The following MAX variants were observed in gnomAD, a reference collection of about 807,000 sequenced individuals.
MAX encodes protein max.
Under a neutral mutation model 22.3 loss-of-function variants are expected in MAX, and 3 were observed. The observed-to-expected ratio is 0.13, with a 90% CI of 0.06 to 0.35. The LOEUF (loss-of-function observed/expected upper bound fraction) is 0.35, where lower values mean the gene tolerates loss of function less well. Ranked by LOEUF, MAX falls within the 10% of genes least tolerant of loss-of-function variation. MAX has a pLI of 1.00. For synonymous variants in MAX, 72 were observed against 77.7 expected (o/e 0.93, Z 0.39); for missense variants, 119 against 209.4 (o/e 0.57, Z 2.66).
In MAX at chr14:65,011,663, C is replaced by T. The variant is rs2061685414; in HGVS notation, c.172-5379G>A. Among the ~76,000 whole-genome samples, 1 of 152,226 alleles carries T rather than the reference C, an allele frequency of 6.6e-6. No homozygotes were observed. The highest frequency in any genetic ancestry group is 2.4e-5 in the African/African-American group (1 of 41,466). On this transcript the variant is annotated intron_variant, in intron 3 of 3. Transcript: ENST00000341653. This position sits in a 1 kb window ranked among gnomAD's most constrained non-coding sequence, Gnocchi z 4.0. Reference sequence around the variant, plus strand: ...CCAAGAAAGAAGTGCAGCCTCTGTGCTTTGCCCGGCCTGTGCAGGTGGCCA... The same window carrying T: ...CCAAGAAAGAAGTGCAGCCTCTGTGTTTTGCCCGGCCTGTGCAGGTGGCCA...
In MAX at chr14:65,088,892, A is replaced by G. The variant is rs2063417847; in HGVS notation, c.171+4816T>C. On this transcript the variant is annotated intron_variant, in intron 3 of 4. Coordinates refer to ENST00000358664, the MANE Select transcript of MAX (RefSeq NM_002382.5). This position sits in a 1 kb window ranked among gnomAD's most constrained non-coding sequence, Gnocchi z 5.2. ...GCTATGAGAGCCTTTATCCTTAAGA[A>G]TCATGTTCCCTGCCATAAGGGAACT... 1.3e-5 allele frequency among the ~76,000 whole-genome samples: 2 copies of G among 151,574 alleles called. No individual in the cohort carries two copies. The highest frequency in any genetic ancestry group is 1.5e-5 in the Non-Finnish European group (1 of 67,544).
intron 3 of MAX, among the ~76,000 whole-genome samples, chr14:65,085,643 C>T (rs2063310910): frequency 6.6e-6 from 1 of 152,010 alleles, no homozygotes; most frequent in South Asian, 2.1e-4. Flanking sequence ...CACAAAAGGC[C>T]ACAGAGGTTC....
rs1390045484 is a variant in MAX at position 65,077,277 on chromosome 14, A to G, written c.296-614T>C. On this transcript the variant is annotated intron_variant, in intron 4 of 4. Coordinates refer to ENST00000358664, the MANE Select transcript of MAX (RefSeq NM_002382.5). The surrounding 1 kb of genome is among the most constrained non-coding windows in gnomAD (Gnocchi z 6.3). ...TGGTTCAGCTCAGCTTGAGCCTGGA[A>G]GGTCAACCCATTTAATTTATTTTAT... 1 of 1,208,938 alleles carries G rather than the reference A, an allele frequency of 8.3e-7. No individual in the cohort carries two copies. The highest frequency in any genetic ancestry group is 1.3e-5 in the South Asian group (1 of 76,788). The allele number at this position is 1,208,938 out of a possible 1,614,324, so 74.9% of individuals were successfully genotyped here.
chr14:65,050,568 G>A (rs2062584446), intron 3 of MAX, among the ~76,000 whole-genome samples: 1 of 152,184 alleles, frequency 6.6e-6, no homozygotes, highest in African/African-American at 2.4e-5. Context: ...TCCAGCCTGG[G>A]CGACAGAGCA....
intron 3 of MAX, among the ~76,000 whole-genome samples, chr14:65,041,871 A>T (rs189635053): frequency 2.6e-5 from 4 of 152,330 alleles, no homozygotes; most frequent in African/African-American, 7.2e-5. Context: ...CCCATCTCCC[A>T]GGCAGAGATA....
At chr14:65,040,726 G>A in intron 3 of MAX, 1 of 1,529,318 alleles carries the variant, frequency 6.5e-7, no homozygotes, top group Non-Finnish European at 8.9e-7. Context: ...CACCTAGGAT[G>A]GTCCTGGTCT....
chr14:65,075,565 T>C lies in MAX; in HGVS notation c.*911A>G, dbSNP rs919474034. 6 of 1,066,004 alleles carry C rather than the reference T, an allele frequency of 5.6e-6. No individual in the cohort carries two copies. The African/African-American group carries it at 9.8e-5, about 17-fold the overall frequency. The allele number at this position is 1,066,004 out of a possible 1,614,324, so 66.0% of individuals were successfully genotyped here. A position where few individuals can be genotyped will look rare whatever the true frequency, so the allele number is the denominator to read the frequency against. ...AAAGAAAGATTTCATCATTACTTTA[T>C]GAATCTGTCGCTTTGCAAGACCGAC... On this transcript the variant is annotated 3_prime_UTR_variant, in exon 5 of 5. Transcript: ENST00000358664. This position sits in a 1 kb window ranked among gnomAD's most constrained non-coding sequence, Gnocchi z 4.1.
chr14:65,016,920 G>GTT lies in MAX; in HGVS notation c.172-10638_172-10637dup, dbSNP rs34191835. Among the ~76,000 whole-genome samples the GTT allele has an allele frequency of 9.7e-3, 1,118 of 114,816 alleles. 59 individuals carry two copies. The highest frequency in any genetic ancestry group is 0.027 in the African/African-American group (795 of 29,384). 75.3% of individuals were successfully genotyped at this position (114,816 alleles called of 152,430 possible). ...TAATTGTCAAAGAAAGGCCCACGTG[G>GTT]TTTTTTTTTTTTTTTTTTTTGAGAC... On this transcript the variant is annotated intron_variant, in intron 3 of 3. Transcript: ENST00000341653.
downstream of MAX, among the ~76,000 whole-genome samples, chr14:65,072,585 T>C (rs1303977479): frequency 6.6e-6 from 1 of 152,178 alleles, no homozygotes; most frequent in Non-Finnish European, 1.5e-5. Context: ...AAAGAGCTTG[T>C]TAAACTGACT....
downstream of MAX, among the ~76,000 whole-genome samples, chr14:65,073,286 A>C (rs1452591512): frequency 1.3e-5 from 2 of 152,192 alleles, no homozygotes; most frequent in Non-Finnish European, 2.9e-5. Context: ...TACTATCAGA[A>C]ACAGAATTCT....
At chr14:65,056,995 A>G (rs185826310) in intron 3 of MAX, among the ~76,000 whole-genome samples, 52 of 152,338 alleles carry the variant, frequency 3.4e-4, no homozygotes, top group African/African-American at 1.2e-3. Flanking sequence ...GCCTGAGAGC[A>G]TCCTGGCTTT....
intron 3 of MAX, among the ~76,000 whole-genome samples, chr14:65,045,696 G>C (rs1020087479): frequency 7.2e-5 from 11 of 152,078 alleles, no homozygotes; most frequent in African/African-American, 2.7e-4. Context: ...GATTATAGGC[G>C]TGAGCCACCG....
Position 65,017,002 on chromosome 14 carries a change from T to A in MAX, c.172-10718A>T, listed in dbSNP as rs138592521. Among the ~76,000 whole-genome samples, 951 of 146,486 alleles carry A rather than the reference T, an allele frequency of 6.5e-3. 17 individuals carry two copies. The highest frequency in any genetic ancestry group is 0.046 in the South Asian group (204 of 4,462). On this transcript the variant is annotated intron_variant, in intron 3 of 3. Coordinates refer to the MAX transcript ENST00000341653. ...CAGTGGCACAGTCTCAGCTCACTGC[T>A]GCCTCTGCTTCCCGGGTTCAAGCGA... is the stretch of plus-strand genomic sequence containing the variant.
chr14:65,038,577 G>A (rs919032511), intron 3 of MAX, among the ~76,000 whole-genome samples: 8 of 151,794 alleles, frequency 5.3e-5, no homozygotes, highest in African/African-American at 1.9e-4. Flanking sequence ...AATTAGCCGG[G>A]CGTGGTGGCA....
chr14:65,096,029 T>C (rs534121455), intron 2 of MAX, among the ~76,000 whole-genome samples: 10 of 152,216 alleles, frequency 6.6e-5, no homozygotes, highest in East Asian at 1.9e-4. Flanking sequence ...GGTTGGAGGA[T>C]TGTAAGTGAA....
intron 3 of MAX, among the ~76,000 whole-genome samples, chr14:65,024,573 C>G (rs538179167): frequency 6.6e-6 from 1 of 152,090 alleles, no homozygotes; most frequent in Non-Finnish European, 1.5e-5. Context: ...GTAATTGGCA[C>G]GTAAGCTAGA....
Position 65,014,084 on chromosome 14 carries a change from G to GCTTGGGCTGAT in MAX, c.172-7801_172-7800insATCAGCCCAAG, listed in dbSNP as rs2061729248. ...TGGGATATCAGCATAGTTTTGAAGA[G>GCTTGGGCTGAT]AGCAGCTTGGGCCAACGGAAAGAAC... On this transcript the variant is annotated intron_variant, in intron 3 of 3. Transcript: ENST00000341653. The surrounding 1 kb of genome is among the most constrained non-coding windows in gnomAD (Gnocchi z 5.1). Among the ~76,000 whole-genome samples, 2 of 152,200 alleles carry GCTTGGGCTGAT rather than the reference G, an allele frequency of 1.3e-5. No homozygotes were observed. Among genetic ancestry groups the GCTTGGGCTGAT allele is most frequent in the Non-Finnish European group, 2.9e-5 (2 of 68,044 alleles).
At chr14:65,096,804 G>A (rs903964248) in intron 2 of MAX, among the ~76,000 whole-genome samples, 3 of 152,136 alleles carry the variant, frequency 2.0e-5, no homozygotes, top group Non-Finnish European at 2.9e-5. Flanking sequence ...AAAACAAATG[G>A]TACGGAAAAC....
intron 3 of MAX, among the ~76,000 whole-genome samples, chr14:65,017,227 G>A (rs1474214775): frequency 6.6e-6 from 1 of 152,012 alleles, no homozygotes; most frequent in Non-Finnish European, 1.5e-5. Context: ...CCAGCCTCGT[G>A]TGTTTTTGAA....
Sources: gnomAD v4.1 joint callset for allele counts (sites outside exome capture counted in the v4.1 genomes callset) on GRCh38, gnomAD v4.1.1 for gene constraint, Gnocchi (gnomAD v3.1) non-coding constraint, MANE v1.5 for transcripts, NCBI Gene and HGNC (gene_info 2026-07-23, HGNC 2026-07-21) for gene names.